CDS2: variants seen among roughly 807,000 people sequenced by gnomAD.
CDS2 encodes the protein phosphatidate cytidylyltransferase 2.
Under a neutral mutation model 59.0 loss-of-function variants are expected in CDS2, and 47 were observed. The ratio of observed to expected loss-of-function variants is 0.80; its 90% CI spans 0.63 to 1.02. CDS2 has a LOEUF of 1.02. CDS2 is among the 50% of genes least tolerant of loss of function. The probability of loss-of-function intolerance (pLI) is 0.00; values close to 1 mark genes in which losing one functional copy is unlikely to be tolerated. For missense variants in CDS2, 356 were observed against 558.9 expected (o/e 0.64, Z 3.66); for synonymous variants, 207 against 206.4 (o/e 1.00, Z -0.02).
intron 3 of CDS2, 126 bp from the exon 4 acceptor site, chr20:5,176,522 A>G: frequency 1.4e-6 from 1 of 711,018 alleles, no homozygotes; most frequent in Admixed American, 2.0e-5. Context: ...GGAGGGAAGC[A>G]GAACCACTGG....
At chr20:5,155,272 G>A (rs2090824460) in intron 1 of CDS2, among the ~76,000 whole-genome samples, 2 of 151,940 alleles carry the variant, frequency 1.3e-5, no homozygotes, top group African/African-American at 2.4e-5. Context: ...TGTCTTTCCC[G>A]CACAAATGCC....
chr20:5,165,245 C>T (rs888736820), intron 1 of CDS2, among the ~76,000 whole-genome samples: 2 of 152,168 alleles, frequency 1.3e-5, no homozygotes, highest in South Asian at 2.1e-4. Context: ...CATTTGGCCA[C>T]AAATGTCTAA....
chr20:5,167,276 G>C (rs1600497525), intron 1 of CDS2, among the ~76,000 whole-genome samples: 1 of 152,152 alleles, frequency 6.6e-6, no homozygotes, highest in African/African-American at 2.4e-5. Context: ...TGTTAGAGAT[G>C]CCGGAAGTGA....
chr20:5,136,843 G>A (rs989260657), intron 1 of CDS2, among the ~76,000 whole-genome samples: 10 of 152,018 alleles, frequency 6.6e-5, no homozygotes, highest in African/African-American at 2.4e-4. Context: ...TGGTACACGG[G>A]CAAATTGCAC....
intron 2 of CDS2, among the ~76,000 whole-genome samples, chr20:5,174,910 C>T (rs1283066730): frequency 6.6e-6 from 1 of 152,150 alleles, no homozygotes; most frequent in Non-Finnish European, 1.5e-5. Flanking sequence ...CACTACATTT[C>T]CCTTGGTTTT....
intron 1 of CDS2, among the ~76,000 whole-genome samples, chr20:5,133,084 G>T (rs1284662653): frequency 6.6e-6 from 1 of 151,924 alleles, no homozygotes; most frequent in Non-Finnish European, 1.5e-5. Flanking sequence ...GGAGAATGGC[G>T]TGATGGCGTG....
At chr20:5,156,922 TG>T (rs1247686675) in intron 1 of CDS2, among the ~76,000 whole-genome samples, 1 of 152,206 alleles carries the variant, frequency 6.6e-6, no homozygotes, top group Non-Finnish European at 1.5e-5. Flanking sequence ...TTGTCATCTC[TG>T]ACCTGGTCAC....
chr20:5,154,479 G>A (rs571550335), intron 1 of CDS2, among the ~76,000 whole-genome samples: 9 of 152,308 alleles, frequency 5.9e-5, no homozygotes, highest in Non-Finnish European at 8.8e-5. Flanking sequence ...CTGAGCATTC[G>A]TCCAAATGGA....
rs2091138495 is a variant in CDS2 at position 5,194,079 on chromosome 20, G to A, written c.*3845G>A. 2 of 152,218 alleles carry A rather than the reference G, an allele frequency of 1.3e-5. No individual in the cohort carries two copies. The highest frequency in any genetic ancestry group is 4.1e-4 in the South Asian group (2 of 4,832). The allele number at this position is 152,218 out of a possible 1,614,324, so 9.4% of individuals were successfully genotyped here. ...CGGATGGACTCTCACTTGTGCTTTG[G>A]AACACTGGACTCCAAAGAGCAGGTG... On this transcript the variant is annotated 3_prime_UTR_variant, in exon 13 of 13. Transcript: ENST00000460006.
intron 1 of CDS2, among the ~76,000 whole-genome samples, chr20:5,139,862 G>C (rs7271361): frequency 0.012 from 1,833 of 148,938 alleles, 46 homozygotes; most frequent in African/African-American, 0.041. Flanking sequence ...GCAGTGGCAC[G>C]ATCTCAGCTC....
intron 1 of CDS2, among the ~76,000 whole-genome samples, chr20:5,130,273 C>T (rs2090593785): frequency 6.6e-6 from 1 of 152,032 alleles, no homozygotes; most frequent in African/African-American, 2.4e-5. Flanking sequence ...CCGTGCCCGG[C>T]CCATAGTAAA....
chr20:5,173,433 TC>T, intron 1 of CDS2, 89 bp from the exon 2 acceptor site: 5 of 1,469,646 alleles, frequency 3.4e-6, no homozygotes, highest in Non-Finnish European at 4.7e-6. Context: ...TTGGAGTCTT[TC>T]CCCACAGATC....
chr20:5,143,291 G>A (rs2090710761), intron 1 of CDS2, among the ~76,000 whole-genome samples: 1 of 152,160 alleles, frequency 6.6e-6, no homozygotes, highest in Non-Finnish European at 1.5e-5. Flanking sequence ...AACTTTGACG[G>A]TTGGCAAGTA....
intron 10 of CDS2, chr20:5,188,024 T>G (rs1400321787): frequency 6.6e-6 from 1 of 151,994 alleles, no homozygotes; most frequent in East Asian, 1.9e-4. Flanking sequence ...AAAAGCCTTT[T>G]CTGATGAGGT....
Position 5,175,297 on chromosome 20 carries a change from CTA to C in CDS2, c.291+20_291+21del. The C allele has an allele frequency of 6.3e-7, 1 of 1,596,708 alleles. No homozygotes were observed. Among genetic ancestry groups the C allele is most frequent in the Non-Finnish European group, 8.6e-7 (1 of 1,164,346 alleles). On this transcript the variant is annotated intron_variant, in intron 3 of 12. Transcript: ENST00000460006. The stretch of plus-strand genomic sequence containing the variant: ...TGATAATCGTAAGTGCCATTTCACA[CTA>C]TTTTAGTTTTCCCTTCAGTTTTTGC...
At chr20:5,160,963 T>G (rs1183748388) in intron 1 of CDS2, among the ~76,000 whole-genome samples, 1 of 152,270 alleles carries the variant, frequency 6.6e-6, no homozygotes, top group Non-Finnish European at 1.5e-5. Context: ...GATAGATACT[T>G]GGATTGCTTC....
rs201885771 is a variant in CDS2 at position 5,189,844 on chromosome 20, G to A, written c.1205+6G>A. The A allele has an allele frequency of 3.8e-4, 608 of 1,602,804 alleles. 1 individual carries two copies. Among genetic ancestry groups the A allele is most frequent in the Non-Finnish European group, 5.0e-4 (580 of 1,171,260 alleles). On this transcript the variant is annotated splice_donor_region_variant and intron_variant, in intron 12 of 12. Coordinates refer to ENST00000460006, the MANE Select transcript of CDS2 (RefSeq NM_003818.4). ...TACATCGCCAGTTTTATCAGGTATA[G>A]TACCTTTCCATCTGAACCAAGTTGG...
Position 5,151,750 on chromosome 20 carries a change from C to CTTTTTTT in CDS2, c.58-21748_58-21742dup, listed in dbSNP as rs57378947. Among the ~76,000 whole-genome samples, 45 of 53,194 alleles carry CTTTTTTT rather than the reference C, an allele frequency of 8.5e-4. 1 individual carries two copies. Among genetic ancestry groups the CTTTTTTT allele is most frequent in the Non-Finnish European group, 1.1e-3 (25 of 22,788 alleles). 34.9% of individuals were successfully genotyped at this position (53,194 alleles called of 152,430 possible). A position where few individuals can be genotyped will look rare whatever the true frequency, so the allele number is the denominator to read the frequency against. ...ACCATGCCTGGCCTAGACTCCATGT[C>CTTTTTTT]TTTTTTTTTTTTTTTTTTTTTTTTT... On this transcript the variant is annotated intron_variant, in intron 1 of 12. Coordinates refer to ENST00000460006, the MANE Select transcript of CDS2 (RefSeq NM_003818.4).
intron 5 of CDS2, 77 bp downstream of exon 5, chr20:5,179,033 C>A: frequency 7.1e-7 from 1 of 1,417,890 alleles, no homozygotes; most frequent in Non-Finnish European, 9.9e-7. Flanking sequence ...TGGGGAATTT[C>A]TTGGTTAGTA....
Sources: gnomAD v4.1 joint callset for allele counts (sites outside exome capture counted in the v4.1 genomes callset) on GRCh38, gnomAD v4.1.1 for gene constraint, MANE v1.5 for transcripts, NCBI Gene and HGNC (gene_info 2026-07-23, HGNC 2026-07-21) for gene names.